The following MED23 variants were observed in gnomAD, a reference collection of about 807,000 sequenced individuals.
The protein encoded by MED23 is mediator of RNA polymerase II transcription subunit 23.
Under a neutral mutation model 163.9 loss-of-function variants are expected in MED23, and 105 were observed. The observed-to-expected ratio is 0.64, with a 90% CI of 0.55 to 0.75. The LOEUF is 0.75. Ranked by LOEUF, MED23 falls within the 30% of genes least tolerant of loss-of-function variation. MED23 has a pLI of 0.00. For synonymous variants in MED23, 561 were observed against 565.6 expected (o/e 0.99, Z 0.12); for missense variants, 1,054 against 1,649.0 (o/e 0.64, Z 6.25).
intron 3 of MED23, among the ~76,000 whole-genome samples, chr6:131,626,414 A>T (rs1022477615): frequency 2.0e-5 from 3 of 148,616 alleles, no homozygotes; most frequent in East Asian, 2.0e-4. Flanking sequence ...GCTGCTATTT[A>T]AAAAAAAAAG....
chr6:131,605,865 G>C (rs969741754), intron 13 of MED23, among the ~76,000 whole-genome samples: 2 of 152,038 alleles, frequency 1.3e-5, no homozygotes, highest in African/African-American at 4.8e-5. Context: ...GGTGGTTAAG[G>C]GCTGTCTCAT....
intron 10 of MED23, among the ~76,000 whole-genome samples, chr6:131,612,709 C>T (rs903731058): frequency 6.6e-6 from 1 of 152,044 alleles, no homozygotes; most frequent in African/African-American, 2.4e-5. Flanking sequence ...CCAAACTATA[C>T]TGAAACTTCA....
chr6:131,582,435 G>C (rs1024536694), downstream of MED23, among the ~76,000 whole-genome samples: 10 of 152,120 alleles, frequency 6.6e-5, no homozygotes, highest in African/African-American at 2.4e-4. Flanking sequence ...CTGGTTCAAG[G>C]CAAAGTCAAA....
chr6:131,610,294 T>C, intron 10 of MED23, 48 bp from the exon 11 acceptor site: 1 of 1,575,874 alleles, frequency 6.3e-7, no homozygotes, highest in Non-Finnish European at 8.7e-7. Flanking sequence ...TCTCGGTTAG[T>C]TTCAGAAGTT....
At chr6:131,581,369 A>G (rs1585420412) in intron 30 of MED23, 1 of 1,612,796 alleles carries the variant, frequency 6.2e-7, no homozygotes, top group Non-Finnish European at 8.5e-7. Context: ...TGAAGGAACT[A>G]AAAGGAAAGG....
intron 30 of MED23, among the ~76,000 whole-genome samples, chr6:131,576,110 C>T (rs1260632354): frequency 6.6e-6 from 1 of 152,186 alleles, no homozygotes; most frequent in African/African-American, 2.4e-5. Flanking sequence ...GCTTAAACAG[C>T]ATTTATTTCT....
intron 4 of MED23, among the ~76,000 whole-genome samples, chr6:131,623,836 T>C (rs1183144385): frequency 6.6e-6 from 1 of 152,160 alleles, no homozygotes; most frequent in African/African-American, 2.4e-5. Flanking sequence ...AGTTACCCAG[T>C]CTCGGGTATA....
chr6:131,623,940 T>C (rs932350260), intron 4 of MED23, among the ~76,000 whole-genome samples: 19 of 152,238 alleles, frequency 1.2e-4, no homozygotes, highest in African/African-American at 4.1e-4. Flanking sequence ...AAGTGATTAC[T>C]AAGCACACTT....
chr6:131,619,754 C>T, intron 8 of MED23, 73 bp downstream of exon 8: 2 of 1,131,786 alleles, frequency 1.8e-6, no homozygotes, highest in South Asian at 1.2e-5. Flanking sequence ...AAGAGAACAT[C>T]CCTCAGCTTT....
Position 131,602,348 on chromosome 6 carries a change from T to C in MED23, c.1965A>G (p.Ala655=). 2 of 1,613,836 alleles carry C rather than the reference T, an allele frequency of 1.2e-6. No homozygotes were observed. The highest frequency in any genetic ancestry group is 1.1e-5 in the South Asian group (1 of 91,062). The change falls in exon 17 of 29, where the codon GCA becomes GCG. Residue 655 remains alanine, a synonymous_variant. Transcript: ENST00000368068. ...VESTALRLIT[A]LGSSEVQPQF... is the part of the protein sequence containing the mutation. ...GCGGTTGTACCTCTGAGCTACCTAATGCTGTTATAAGCCTGAGAGCAGTGC... is the reference window on the plus strand; with the variant it reads ...GCGGTTGTACCTCTGAGCTACCTAACGCTGTTATAAGCCTGAGAGCAGTGC...
intron 5 of MED23, among the ~76,000 whole-genome samples, chr6:131,622,734 T>C (rs1213690775): frequency 6.6e-6 from 1 of 152,228 alleles, no homozygotes; most frequent in Non-Finnish European, 1.5e-5. Flanking sequence ...TAATTATCTG[T>C]TAGGTCATTA....
rs552498257 is a variant in MED23, at chr6:131,587,640, A to G, written c.*39T>C. 3.7e-6 allele frequency: 6 copies of G among 1,613,544 alleles called. No individual in the cohort carries two copies. The highest frequency in any genetic ancestry group is 1.3e-5 in the African/African-American group (1 of 74,914). On this transcript the variant is annotated 3_prime_UTR_variant, in exon 29 of 29. Coordinates refer to ENST00000368068, the MANE Select transcript of MED23 (RefSeq NM_004830.4). ...AAAAGGTTTGAGTCCACTCTCAAAG[A>G]CGGATATATTTCTACTTTCTCCACA...
At chr6:131,595,195 A>C (rs1774958011) in intron 22 of MED23, among the ~76,000 whole-genome samples, 1 of 152,158 alleles carries the variant, frequency 6.6e-6, no homozygotes, top group African/African-American at 2.4e-5. Context: ...ACTATGCTTA[A>C]AATTTTAGTT....
At chr6:131,616,340 T>A (rs1014178824) in intron 9 of MED23, among the ~76,000 whole-genome samples, 1 of 152,226 alleles carries the variant, frequency 6.6e-6, no homozygotes, top group African/African-American at 2.4e-5. Context: ...ATTTTTTAAA[T>A]TTTAGCATCT....
intron 11 of MED23, 98 bp downstream of exon 11, chr6:131,609,948 C>T: frequency 8.5e-7 from 1 of 1,182,494 alleles, no homozygotes; most frequent in Non-Finnish European, 1.3e-6. Context: ...GGGCTCAGAA[C>T]TTCTGTCAGT....
At chr6:131,619,733 A>G in intron 8 of MED23, 94 bp downstream of exon 8, 2 of 940,362 alleles carry the variant, frequency 2.1e-6, no homozygotes, top group Non-Finnish European at 3.4e-6. Flanking sequence ...CAAGCCACCA[A>G]GGCACATATT....
chr6:131,617,858 C>T (rs958280337), intron 9 of MED23, among the ~76,000 whole-genome samples: 3 of 152,178 alleles, frequency 2.0e-5, no homozygotes, highest in African/African-American at 7.2e-5. Flanking sequence ...ATACCCTCGT[C>T]CCTTTAGGGT....
exon 31 of MED23, chr6:131,574,260 T>C: frequency 1.2e-6 from 2 of 1,613,938 alleles, no homozygotes; most frequent in Non-Finnish European, 1.7e-6. Flanking sequence ...TGCTTCCTCT[T>C]AATTTGGAAC....
chr6:131,627,283 C>A, intron 3 of MED23, 113 bp downstream of exon 3: 2 of 786,580 alleles, frequency 2.5e-6, no homozygotes, highest in South Asian at 1.5e-5. Flanking sequence ...TTTATTTCTC[C>A]CTTCTCAGGA....
Sources: gnomAD v4.1 joint callset for allele counts (sites outside exome capture counted in the v4.1 genomes callset) on GRCh38, gnomAD v4.1.1 for gene constraint, MANE v1.5 for transcripts, NCBI Gene and HGNC (gene_info 2026-07-23, HGNC 2026-07-21) for gene names.